TBC1D22A: variants seen among roughly 807,000 people sequenced by gnomAD.
The protein encoded by TBC1D22A is putative GTPase activator.
Under a neutral mutation model 60.2 loss-of-function variants are expected in TBC1D22A, and 38 were observed. The observed-to-expected ratio is 0.63, with a 90% CI of 0.49 to 0.83. TBC1D22A has a LOEUF of 0.83. Ranked by LOEUF, TBC1D22A falls within the 40% of genes least tolerant of loss-of-function variation. The pLI is 0.00. For missense variants in TBC1D22A, 628 were observed against 701.0 expected, an observed-to-expected ratio of 0.90 and a Z score of 1.18; for synonymous variants, 302 against 281.7, an observed-to-expected ratio of 1.07 and a Z score of -0.72.
intron 8 of TBC1D22A, among the ~76,000 whole-genome samples, chr22:46,961,107 CT>C (rs140548222): frequency 4.3e-4 from 65 of 151,472 alleles, no homozygotes; most frequent in African/African-American, 1.5e-3. Context: ...GGCTTAAACT[CT>C]TCATTTTCTT....
In TBC1D22A at chr22:47,062,087, C is replaced by CAAAA. The variant is rs908701365; in HGVS notation, c.1329+24907_1329+24910dup. On this transcript the variant is annotated intron_variant, in intron 11 of 12. Transcript: ENST00000337137. ...TGGGCGACAGAGCAAGACTCCATCT[C>CAAAA]AAAAAAAAAAAAAAAAAAAAAGACA... 4.4e-4 allele frequency among the ~76,000 whole-genome samples: 28 copies of CAAAA among 62,996 alleles called. 1 individual carries two copies. Among genetic ancestry groups the CAAAA allele is most frequent in the East Asian group, 1.1e-3 (2 of 1,898 alleles). The allele number at this position is 62,996 out of a possible 152,430, so 41.3% of individuals were successfully genotyped here.
At chr22:47,092,805 A>C (rs1156917441) in intron 11 of TBC1D22A, among the ~76,000 whole-genome samples, 1 of 152,248 alleles carries the variant, frequency 6.6e-6, no homozygotes, top group Non-Finnish European at 1.5e-5. Context: ...AAGAAAAAAT[A>C]ATCAGGGCTC....
chr22:46,852,076 G>C (rs1395268444), intron 4 of TBC1D22A, among the ~76,000 whole-genome samples: 2 of 152,174 alleles, frequency 1.3e-5, no homozygotes, highest in African/African-American at 4.8e-5. Flanking sequence ...GCAGGCAGCT[G>C]TACAGCTCTG....
chr22:47,078,435 G>A lies in TBC1D22A; in HGVS notation c.1330-33073G>A, dbSNP rs114085407. On this transcript the variant is annotated intron_variant, in intron 11 of 12. Coordinates refer to ENST00000337137, the MANE Select transcript of TBC1D22A (RefSeq NM_014346.5). ...CCGGAGAGCTAAGACAGGTGAGAATGGCTGGCATGGAACAGCTCCATGCCC... is the reference window on the plus strand; with the variant it reads ...CCGGAGAGCTAAGACAGGTGAGAATAGCTGGCATGGAACAGCTCCATGCCC... Among the ~76,000 whole-genome samples, 227 of 152,354 alleles carry A rather than the reference G, an allele frequency of 1.5e-3. 1 individual carries two copies. Among genetic ancestry groups the A allele is most frequent in the African/African-American group, 5.2e-3 (216 of 41,576 alleles).
chr22:47,085,599 A>G (rs1017912863), intron 11 of TBC1D22A, among the ~76,000 whole-genome samples: 1 of 152,208 alleles, frequency 6.6e-6, no homozygotes, highest in African/African-American at 2.4e-5. Flanking sequence ...ACTAAGGAAA[A>G]TTGCATTAAG....
At chr22:46,978,431 T>C (rs1215358132) in intron 9 of TBC1D22A, among the ~76,000 whole-genome samples, 1 of 152,266 alleles carries the variant, frequency 6.6e-6, no homozygotes, top group African/African-American at 2.4e-5. Context: ...CAAAAATGTT[T>C]AGTGAGAAGA....
At chr22:47,126,573 G>T (rs149189525) in intron 12 of TBC1D22A, among the ~76,000 whole-genome samples, 1 of 152,216 alleles carries the variant, frequency 6.6e-6, no homozygotes, top group Non-Finnish European at 1.5e-5. Flanking sequence ...GCACTACACC[G>T]CCAGTGAGCT....
rs1050128288 is a variant in TBC1D22A at position 46,866,582 on chromosome 22, G to A, written c.638-12071G>A. On this transcript the variant is annotated intron_variant, in intron 4 of 12. Transcript: ENST00000337137. Reference sequence around the variant, plus strand: ...TTGCAGAAATTTAAGAATAGATATGGCATTACATTTTTAAAGGTTTGTGCT... The same window carrying A: ...TTGCAGAAATTTAAGAATAGATATGACATTACATTTTTAAAGGTTTGTGCT... Among the ~76,000 whole-genome samples the A allele has an allele frequency of 7.9e-5, 12 of 152,242 alleles. No homozygotes were observed. In the East Asian group the frequency reaches 9.6e-4, roughly 12 times the overall value.
rs58012028 is a variant in TBC1D22A at position 46,847,918 on chromosome 22, GGTGTGTGTGTGTGT to G, written c.638-30711_638-30698del. On this transcript the variant is annotated intron_variant, in intron 4 of 12. Coordinates refer to ENST00000337137, the MANE Select transcript of TBC1D22A (RefSeq NM_014346.5). Reference sequence around the variant, plus strand: ...GAGAAATAGTCAAGGTACCCTAGTGGGTGTGTGTGTGTGTGTGTGTGTGTGTGTGTGTGTGTGCG... The same window carrying G: ...GAGAAATAGTCAAGGTACCCTAGTGGGTGTGTGTGTGTGTGTGTGTGTGCG... Among the ~76,000 whole-genome samples the G allele has an allele frequency of 5.2e-5, 7 of 134,208 alleles. No individual in the cohort carries two copies. The East Asian group carries it at 1.0e-3, about 20-fold the overall frequency. 88.0% of individuals were successfully genotyped at this position (134,208 alleles called of 152,430 possible). A position where few individuals can be genotyped will look rare whatever the true frequency, so the allele number is the denominator to read the frequency against.
At chr22:46,982,794 G>T (rs2074566841) in intron 9 of TBC1D22A, among the ~76,000 whole-genome samples, 1 of 152,188 alleles carries the variant, frequency 6.6e-6, no homozygotes, top group South Asian at 2.1e-4. Flanking sequence ...GCATTGGCGG[G>T]CAGGTGCAAG....
At chr22:47,051,503 TCGGGAGC>T (rs1569391176) in intron 11 of TBC1D22A, among the ~76,000 whole-genome samples, 1 of 152,142 alleles carries the variant, frequency 6.6e-6, no homozygotes, top group African/African-American at 2.4e-5. Context: ...AGGGGTGGCT[TCGGGAGC>T]CGGGAGCTAG....
intron 8 of TBC1D22A, among the ~76,000 whole-genome samples, chr22:46,956,705 G>C (rs372897712): frequency 5.1e-4 from 77 of 152,202 alleles, no homozygotes; most frequent in African/African-American, 1.7e-3. Flanking sequence ...TGTGGGGCGC[G>C]TTCCCCTCAG....
intron 1 of TBC1D22A, among the ~76,000 whole-genome samples, chr22:46,773,325 G>A (rs1183698277): frequency 6.6e-6 from 1 of 152,220 alleles, no homozygotes; most frequent in Admixed American, 6.5e-5. Context: ...TTTTTCCTGA[G>A]GAGTCGGGGA....
intron 4 of TBC1D22A, among the ~76,000 whole-genome samples, chr22:46,799,008 C>CA (rs2084783642): frequency 6.6e-6 from 1 of 150,914 alleles, no homozygotes; most frequent in Non-Finnish European, 1.5e-5. Context: ...GTAGAGTTCT[C>CA]AGAGTGGGTG....
At chr22:47,016,753 G>T (rs1024688190) in intron 10 of TBC1D22A, among the ~76,000 whole-genome samples, 4 of 152,186 alleles carry the variant, frequency 2.6e-5, no homozygotes, top group Non-Finnish European at 4.4e-5. Context: ...AGTCACAGCC[G>T]TATTCGTTTC....
intron 8 of TBC1D22A, 56 bp from the exon 9 acceptor site, chr22:46,974,234 G>A: frequency 6.8e-7 from 1 of 1,477,768 alleles, no homozygotes; most frequent in Admixed American, 2.0e-5. Context: ...CCCCTCGTGG[G>A]TCGAGGTCCC....
chr22:46,774,571 C>A (rs1601810494), intron 1 of TBC1D22A, among the ~76,000 whole-genome samples: 1 of 152,166 alleles, frequency 6.6e-6, no homozygotes, highest in Non-Finnish European at 1.5e-5. Flanking sequence ...CTGATGGCAG[C>A]CCCCCGGGGC....
intron 8 of TBC1D22A, among the ~76,000 whole-genome samples, chr22:46,968,761 G>C (rs1345295268): frequency 6.6e-6 from 1 of 152,204 alleles, no homozygotes; most frequent in African/African-American, 2.4e-5. Flanking sequence ...TCTGGATGTG[G>C]AAAGAGGGGC....
At chr22:46,800,757 G>C (rs2084863644) in intron 4 of TBC1D22A, among the ~76,000 whole-genome samples, 2 of 152,194 alleles carry the variant, frequency 1.3e-5, no homozygotes, top group African/African-American at 4.8e-5. Flanking sequence ...ACGTTCATTT[G>C]AACTGGCCTT....
Sources: gnomAD v4.1 joint callset for allele counts (sites outside exome capture counted in the v4.1 genomes callset) on GRCh38, gnomAD v4.1.1 for gene constraint, MANE v1.5 for transcripts, NCBI Gene and HGNC (gene_info 2026-07-23, HGNC 2026-07-21) for gene names.